SCHIP1: variants seen among roughly 807,000 people sequenced by gnomAD.
SCHIP1 encodes the protein schwannomin-interacting protein 1.
SCHIP1 carries 8 observed loss-of-function variants against 29.7 expected under a neutral mutation model. The ratio of observed to expected loss-of-function variants is 0.27; its 90% CI spans 0.16 to 0.49. SCHIP1 has a LOEUF of 0.49. SCHIP1 is among the 20% of genes least tolerant of loss of function. The pLI is 0.99. For missense variants in SCHIP1, 193 were observed against 294.6 expected (o/e 0.66, Z 2.52); for synonymous variants, 76 against 94.9 (o/e 0.80, Z 1.16).
At chr3:159,741,507 C>A in the SCHIP1 span, among the ~76,000 whole-genome samples, 1 of 152,230 alleles carries the variant, frequency 6.6e-6, no homozygotes, top group African/African-American at 2.4e-5. Context: ...TCCTTACTCT[C>A]AAACTGCATG....
the SCHIP1 span, among the ~76,000 whole-genome samples, chr3:159,360,779 A>G: frequency 1.2e-4 from 18 of 152,118 alleles, no homozygotes; most frequent in African/African-American, 2.4e-4. Flanking sequence ...TCTTTCATCA[A>G]TGGAACTAAG....
At chr3:159,301,064 C>A in the SCHIP1 span, among the ~76,000 whole-genome samples, 7 of 152,124 alleles carry the variant, frequency 4.6e-5, no homozygotes, top group Admixed American at 4.6e-4. Context: ...ATTAATAGCA[C>A]ATATTGATAG....
At chr3:159,282,541 A>G in the SCHIP1 span, 1 of 151,434 alleles carries the variant, frequency 6.6e-6, no homozygotes, top group Non-Finnish European at 1.5e-5. Context: ...GTGTTTTTTG[A>G]AAACTGGTTT....
At chr3:159,378,631 C>CT in the SCHIP1 span, among the ~76,000 whole-genome samples, 3 of 152,212 alleles carry the variant, frequency 2.0e-5, no homozygotes, top group Admixed American at 2.0e-4. Flanking sequence ...ACACTTCACT[C>CT]TTTGAACTCC....
chr3:159,367,333 C>T, the SCHIP1 span, among the ~76,000 whole-genome samples: 6 of 151,240 alleles, frequency 4.0e-5, no homozygotes, highest in South Asian at 2.1e-4. Context: ...CAGAGGTTGC[C>T]GTGAGCCGAG....
At chr3:159,473,685 A>G in the SCHIP1 span, among the ~76,000 whole-genome samples, 1 of 150,466 alleles carries the variant, frequency 6.6e-6, no homozygotes, top group African/African-American at 2.4e-5. Context: ...AAAAAAAAAA[A>G]AAAAAAAAAG....
At chr3:159,458,614 C>T in the SCHIP1 span, among the ~76,000 whole-genome samples, 1 of 150,514 alleles carries the variant, frequency 6.6e-6, no homozygotes, top group Non-Finnish European at 1.5e-5. Flanking sequence ...TGTAATAGCT[C>T]CTTGTAATAG....
the SCHIP1 span, among the ~76,000 whole-genome samples, chr3:159,756,317 A>G: frequency 2.6e-5 from 4 of 152,142 alleles, no homozygotes; most frequent in African/African-American, 9.7e-5. Flanking sequence ...CAGGCTCAAC[A>G]CCACGTGGAA....
At chr3:159,280,713 T>G in the SCHIP1 span, among the ~76,000 whole-genome samples, 1 of 152,200 alleles carries the variant, frequency 6.6e-6, no homozygotes, top group South Asian at 2.1e-4. Context: ...ACATTAGCTT[T>G]GAGGGCTTTT....
the SCHIP1 span, among the ~76,000 whole-genome samples, chr3:159,779,079 G>T: frequency 3.3e-5 from 5 of 152,176 alleles, no homozygotes; most frequent in South Asian, 1.0e-3. Flanking sequence ...TGGTGGAATT[G>T]TGAAGGCTCT....
the SCHIP1 span, among the ~76,000 whole-genome samples, chr3:159,391,445 T>C: frequency 6.6e-6 from 1 of 152,108 alleles, no homozygotes; most frequent in Non-Finnish European, 1.5e-5. Flanking sequence ...GCTAAAAATA[T>C]GATATATTCT....
the SCHIP1 span, among the ~76,000 whole-genome samples, chr3:159,519,755 A>G: frequency 1.3e-5 from 2 of 152,096 alleles, no homozygotes; most frequent in Non-Finnish European, 2.9e-5. Context: ...AAGATTGTAC[A>G]AAACAATATC....
At chr3:159,816,901 C>T in the SCHIP1 span, among the ~76,000 whole-genome samples, 2 of 152,170 alleles carry the variant, frequency 1.3e-5, no homozygotes, top group South Asian at 2.1e-4. Flanking sequence ...ATCACTGAAA[C>T]GCAGAGCTCA....
chr3:159,471,004 T>A, the SCHIP1 span, among the ~76,000 whole-genome samples: 1 of 152,098 alleles, frequency 6.6e-6, no homozygotes, highest in Non-Finnish European at 1.5e-5. Flanking sequence ...AAAAAATTGC[T>A]ACAAAAGAGC....
At chr3:159,886,355 G>A (rs764788129) in intron 3 of SCHIP1, 31 bp downstream of exon 4, 2 of 1,599,984 alleles carry the variant, frequency 1.3e-6, no homozygotes, top group Non-Finnish European at 1.7e-6. Flanking sequence ...CTGAAGCTCG[G>A]TGTTGTGATT....
the SCHIP1 span, among the ~76,000 whole-genome samples, chr3:159,474,085 G>A: frequency 1.3e-5 from 2 of 152,012 alleles, no homozygotes; most frequent in African/African-American, 2.4e-5. Context: ...TTTATTAAGT[G>A]TATTGATCTC....
the SCHIP1 span, among the ~76,000 whole-genome samples, chr3:159,629,211 C>A: frequency 6.6e-6 from 1 of 151,836 alleles, no homozygotes; most frequent in South Asian, 2.1e-4. Flanking sequence ...CCCAGGAGGT[C>A]CAGGCTGCAG....
At chr3:159,692,632 T>G in the SCHIP1 span, among the ~76,000 whole-genome samples, 1 of 152,232 alleles carries the variant, frequency 6.6e-6, no homozygotes, top group Admixed American at 6.5e-5. Context: ...CTCTAAACTT[T>G]TATCAAGGTT....
chr3:159,701,120 A>T, the SCHIP1 span, among the ~76,000 whole-genome samples: 4 of 152,180 alleles, frequency 2.6e-5, no homozygotes, highest in African/African-American at 9.7e-5. Flanking sequence ...TCCTTCCAGA[A>T]TATACACCAG....
Sources: allele counts gnomAD v4.1 joint callset (sites outside exome capture counted in the v4.1 genomes callset), GRCh38; gene constraint gnomAD v4.1.1; transcripts MANE v1.5; gene names NCBI Gene and HGNC (gene_info 2026-07-23, HGNC 2026-07-21).